FHL2: variants seen among roughly 807,000 people sequenced by gnomAD.
FHL2 encodes the protein four and a half LIM domains 2.
In FHL2, 20 loss-of-function variants were observed where a neutral mutation model predicts 32.7. The observed-to-expected ratio is 0.61, with a 90% CI of 0.43 to 0.89. The LOEUF (loss-of-function observed/expected upper bound fraction) is 0.89. Among genes scored for constraint, FHL2 ranks in the 40% least tolerant of loss-of-function variants. The pLI is 0.00. For synonymous variants in FHL2, 123 were observed against 128.1 expected, an observed-to-expected ratio of 0.96 and a Z score of 0.27; for missense variants, 311 against 358.6, an observed-to-expected ratio of 0.87 and a Z score of 1.07.
At chr2:105,362,817 A>G (rs1407648166) in intron 6 of FHL2, among the ~76,000 whole-genome samples, 4 of 152,176 alleles carry the variant, frequency 2.6e-5, no homozygotes, top group African/African-American at 9.6e-5. Context: ...ATACAATATG[A>G]AAAACTCCTT....
intron 1 of FHL2, among the ~76,000 whole-genome samples, chr2:105,435,020 A>C (rs994402834): frequency 1.3e-5 from 2 of 152,212 alleles, no homozygotes; most frequent in African/African-American, 4.8e-5. Flanking sequence ...AATTTAGTAA[A>C]CTATTTAAAA....
At chr2:105,426,577 G>A (rs923444339) in intron 1 of FHL2, among the ~76,000 whole-genome samples, 5 of 152,178 alleles carry the variant, frequency 3.3e-5, no homozygotes, top group African/African-American at 7.2e-5. Flanking sequence ...CCTTTGATGT[G>A]AGGGCTCCCC....
intron 1 of FHL2, among the ~76,000 whole-genome samples, chr2:105,429,923 C>T (rs1684377654): frequency 6.6e-6 from 1 of 152,130 alleles, no homozygotes; most frequent in Non-Finnish European, 1.5e-5. Context: ...GTTAGTGCCT[C>T]CTTGAATCCC....
At chr2:105,366,301 G>C (rs1347037923) in intron 5 of FHL2, among the ~76,000 whole-genome samples, 1 of 152,232 alleles carries the variant, frequency 6.6e-6, no homozygotes, top group African/African-American at 2.4e-5. Context: ...GCAAGGTGGG[G>C]ATATTCTTGC....
intron 1 of FHL2, among the ~76,000 whole-genome samples, chr2:105,430,983 T>TTCC (rs1313402104): frequency 1.3e-5 from 2 of 152,242 alleles, no homozygotes; most frequent in African/African-American, 4.8e-5. Flanking sequence ...CTCTTTGATC[T>TTCC]TTGGGTCTTC....
At chr2:105,410,077 C>T (rs1683748384) in intron 1 of FHL2, among the ~76,000 whole-genome samples, 1 of 152,196 alleles carries the variant, frequency 6.6e-6, no homozygotes, top group Admixed American at 6.5e-5. Context: ...AAGGCTGGAC[C>T]CAGACAGAGT....
At chr2:105,400,908 T>C (rs750105557), upstream of FHL2, among the ~76,000 whole-genome samples, 4 of 152,020 alleles carry the variant, frequency 2.6e-5, no homozygotes, top group African/African-American at 4.8e-5. Context: ...AATGACCCTG[T>C]GGTCATTCGA....
At position 105,373,420 on chromosome 2, in the gene FHL2, ACTC is replaced by A. The variant is rs1681234696; in HGVS notation, c.331+136_331+138del. 8.5e-6 allele frequency: 7 copies of A among 821,766 alleles called. No individual in the cohort carries two copies. In the Admixed American group the frequency reaches 1.2e-4, roughly 14 times the overall value. The allele number at this position is 821,766 out of a possible 1,614,324, so 50.9% of individuals were successfully genotyped here. Reference sequence around the variant, plus strand: ...TCCCTGCTTCGTAAGTACTCTAAATACTCCTCTGCAGTTCAAGGTCAAACTGGA... The same window carrying A: ...TCCCTGCTTCGTAAGTACTCTAAATACTCTGCAGTTCAAGGTCAAACTGGA... On this transcript the variant is annotated intron_variant, in intron 4 of 6. Transcript: ENST00000530340.
intron 6 of FHL2, among the ~76,000 whole-genome samples, chr2:105,362,062 A>G (rs546565516): frequency 6.6e-6 from 1 of 152,224 alleles, no homozygotes; most frequent in African/African-American, 2.4e-5. Context: ...CACAATTCAC[A>G]TTCATATCTA....
In FHL2 at chr2:105,415,646, G is replaced by A. The variant is rs116422507; in HGVS notation, c.-25+22753C>T. ...GTTTGCAAGAACGAAAACCGTGTCT[G>A]AAAATCACATTAAAATGTGTTGGGA... On this transcript the variant is annotated intron_variant, in intron 1 of 5. Transcript: ENST00000393352. Among the ~76,000 whole-genome samples, 635 of 152,310 alleles carry A rather than the reference G, an allele frequency of 4.2e-3. 4 individuals carry two copies. The highest frequency in any genetic ancestry group is 0.015 in the African/African-American group (606 of 41,556).
chr2:105,374,498 GTGCTCAGAC>G (rs1430941374), intron 3 of FHL2: 11 of 152,670 alleles, frequency 7.2e-5, no homozygotes, highest in African/African-American at 2.2e-4. Flanking sequence ...GGAGAGTGAA[GTGCTCAGAC>G]TGGGGGACGG....
In FHL2 at chr2:105,429,169, A is replaced by G. The variant is rs189169140; in HGVS notation, c.-25+9230T>C. Among the ~76,000 whole-genome samples, 57 of 152,260 alleles carry G rather than the reference A, an allele frequency of 3.7e-4. 1 individual carries two copies. Among genetic ancestry groups the G allele is most frequent in the African/African-American group, 1.3e-3 (54 of 41,542 alleles). On this transcript the variant is annotated intron_variant, in intron 1 of 5. Coordinates refer to the FHL2 transcript ENST00000393352. Reference sequence around the variant, plus strand: ...TCCACTGCCACAAGGGGGAAAAAGGACTTAATAAACACCAAAGACTTTGCC... The same window carrying G: ...TCCACTGCCACAAGGGGGAAAAAGGGCTTAATAAACACCAAAGACTTTGCC...
At chr2:105,396,531 G>T in intron 2 of FHL2, 116 bp downstream of exon 2, 1 of 858,924 alleles carries the variant, frequency 1.2e-6, no homozygotes, top group South Asian at 1.6e-5. Flanking sequence ...CAGAACATAT[G>T]ACTGAATGTT....
intron 1 of FHL2, among the ~76,000 whole-genome samples, chr2:105,427,987 C>T (rs984987903): frequency 6.6e-6 from 1 of 152,206 alleles, no homozygotes; most frequent in Non-Finnish European, 1.5e-5. Flanking sequence ...TGCTTTGTCA[C>T]AAAAACACAC....
At position 105,398,986 on chromosome 2, in the gene FHL2, G is replaced by C. The variant is rs772713446; in HGVS notation, c.-220C>G. 3.3e-6 allele frequency: 5 copies of C among 1,507,216 alleles called. No individual in the cohort carries two copies. The highest frequency in any genetic ancestry group is 5.5e-5 in the East Asian group (2 of 36,380). The allele number at this position is 1,507,216 out of a possible 1,614,324, so 93.4% of individuals were successfully genotyped here. ...GGTACTCACGGCACCGCAGCGGGCC[G>C]GGGACTCCCGGACGGGGCTGGAGGG... On this transcript the variant is annotated 5_prime_UTR_variant, in exon 1 of 7. Transcript: ENST00000530340.
At chr2:105,432,820 C>T (rs1486969880) in intron 1 of FHL2, among the ~76,000 whole-genome samples, 3 of 152,286 alleles carry the variant, frequency 2.0e-5, no homozygotes, top group South Asian at 2.1e-4. Context: ...TGATTGCGTC[C>T]AAAAAATTCC....
At chr2:105,373,122 C>A (rs1280752049) in intron 4 of FHL2, among the ~76,000 whole-genome samples, 3 of 152,206 alleles carry the variant, frequency 2.0e-5, no homozygotes, top group South Asian at 2.1e-4. Flanking sequence ...TGCACCTCGG[C>A]TCACACCCTA....
intron 4 of FHL2, among the ~76,000 whole-genome samples, chr2:105,372,291 T>C (rs980312813): frequency 7.2e-5 from 11 of 152,208 alleles, no homozygotes; most frequent in African/African-American, 2.6e-4. Context: ...AGTGGCGTGA[T>C]CTCAGCTCAC....
intron 3 of FHL2, among the ~76,000 whole-genome samples, chr2:105,374,716 T>G (rs1290925026): frequency 6.6e-6 from 1 of 152,212 alleles, no homozygotes; most frequent in Non-Finnish European, 1.5e-5. Context: ...ATTTGCCTTT[T>G]AAAAATGACA....
Sources: gnomAD v4.1 joint callset for allele counts (sites outside exome capture counted in the v4.1 genomes callset) on GRCh38, gnomAD v4.1.1 for gene constraint, MANE v1.5 for transcripts, NCBI Gene and HGNC (gene_info 2026-07-23, HGNC 2026-07-21) for gene names.